Variants in IMPG1 observed in about 807,000 individuals in gnomAD.
The protein encoded by IMPG1 is interphotoreceptor matrix proteoglycan 1.
In IMPG1, 85 loss-of-function variants were observed where a neutral mutation model predicts 92.0. That is an observed-to-expected ratio of 0.92 (90% CI 0.78 to 1.11). The LOEUF (loss-of-function observed/expected upper bound fraction) is 1.11. Among genes scored for constraint, IMPG1 ranks in the 50% least tolerant of loss-of-function variants. The pLI, the probability that IMPG1 is intolerant of heterozygous loss-of-function variation, is 0.00. For missense variants in IMPG1, 1,022 were observed against 956.0 expected, an observed-to-expected ratio of 1.07 and a Z score of -0.91; for synonymous variants, 367 against 334.1, an observed-to-expected ratio of 1.10 and a Z score of -1.08.
chr6:75,925,548 C>T (rs1002401207), intron 15 of IMPG1, among the ~76,000 whole-genome samples: 1 of 151,994 alleles, frequency 6.6e-6, no homozygotes, highest in Admixed American at 6.6e-5. Flanking sequence ...AGGTTGAGGC[C>T]AGGTGCGGTG....
intron 12 of IMPG1, among the ~76,000 whole-genome samples, chr6:75,982,444 G>A (rs954535496): frequency 5.9e-5 from 9 of 152,022 alleles, no homozygotes; most frequent in Middle Eastern, 6.8e-3. Flanking sequence ...AGGAGGCTGA[G>A]GTAGGAGAAT....
intron 14 of IMPG1, among the ~76,000 whole-genome samples, chr6:75,935,416 C>T (rs1781728722): frequency 6.6e-6 from 1 of 152,242 alleles, no homozygotes; most frequent in Non-Finnish European, 1.5e-5. Flanking sequence ...CGCCCTGGCG[C>T]CCAGCGTGAC....
At chr6:75,996,460 G>A (rs1380583635) in intron 12 of IMPG1, among the ~76,000 whole-genome samples, 1 of 152,190 alleles carries the variant, frequency 6.6e-6, no homozygotes, top group East Asian at 1.9e-4. Flanking sequence ...CCCCGCATAA[G>A]AGGCAGGATT....
chr6:75,941,942 G>GT (rs1781842075), intron 14 of IMPG1, among the ~76,000 whole-genome samples: 1 of 152,164 alleles, frequency 6.6e-6, no homozygotes, highest in South Asian at 2.1e-4. Context: ...GCAGGAGTGG[G>GT]TAGGGCTGGT....
intron 4 of IMPG1, among the ~76,000 whole-genome samples, chr6:76,027,963 C>A (rs1316949025): frequency 6.6e-6 from 1 of 152,120 alleles, no homozygotes; most frequent in Non-Finnish European, 1.5e-5. Flanking sequence ...GTCCAGAGAG[C>A]CCCTAGAATG....
chr6:76,014,240 A>G (rs1783243694), intron 7 of IMPG1, among the ~76,000 whole-genome samples: 1 of 152,224 alleles, frequency 6.6e-6, no homozygotes, highest in African/African-American at 2.4e-5. Context: ...CTGGATTGCC[A>G]GCTCCTGAGA....
intron 13 of IMPG1, among the ~76,000 whole-genome samples, chr6:75,948,768 T>C (rs1312379835): frequency 6.6e-6 from 1 of 152,154 alleles, no homozygotes; most frequent in Non-Finnish European, 1.5e-5. Flanking sequence ...GAAAGCACAT[T>C]TTCCAGCCTC....
At chr6:76,006,833 C>T (rs1278628810) in intron 9 of IMPG1, among the ~76,000 whole-genome samples, 1 of 151,912 alleles carries the variant, frequency 6.6e-6, no homozygotes, top group Non-Finnish European at 1.5e-5. Context: ...ATGTCTCTGT[C>T]CTCAGGAATT....
intron 13 of IMPG1, among the ~76,000 whole-genome samples, chr6:75,949,405 G>T (rs2149456991): frequency 6.6e-6 from 1 of 152,290 alleles, no homozygotes; most frequent in South Asian, 2.1e-4. Context: ...CAAATGCCAT[G>T]GCAATGTCAG....
intron 11 of IMPG1, among the ~76,000 whole-genome samples, chr6:76,003,321 C>T (rs1465665138): frequency 6.6e-6 from 1 of 152,130 alleles, no homozygotes; most frequent in Non-Finnish European, 1.5e-5. Context: ...TTAGTCAGCA[C>T]TTCTATTTAT....
chr6:76,061,038 G>A (rs1318893325), intron 1 of IMPG1, among the ~76,000 whole-genome samples: 1 of 152,148 alleles, frequency 6.6e-6, no homozygotes, highest in Non-Finnish European at 1.5e-5. Flanking sequence ...TGCAAATACA[G>A]CTGATGTTCA....
At chr6:76,014,417 C>T (rs1783247015) in intron 7 of IMPG1, among the ~76,000 whole-genome samples, 1 of 152,106 alleles carries the variant, frequency 6.6e-6, no homozygotes, top group South Asian at 2.1e-4. Flanking sequence ...TCTGTGTCTC[C>T]ACCCACACCC....
At chr6:75,983,023 T>TA (rs1220568245) in intron 12 of IMPG1, among the ~76,000 whole-genome samples, 1 of 151,944 alleles carries the variant, frequency 6.6e-6, no homozygotes, top group East Asian at 1.9e-4. Flanking sequence ...TGTAAAAAGA[T>TA]AGAGTGAAAT....
At chr6:75,967,028 AATT>A (rs1174783249) in intron 12 of IMPG1, among the ~76,000 whole-genome samples, 1 of 152,088 alleles carries the variant, frequency 6.6e-6, no homozygotes, top group Non-Finnish European at 1.5e-5. Flanking sequence ...AAATACAAAA[AATT>A]AGCGGGGTGT....
intron 8 of IMPG1, among the ~76,000 whole-genome samples, chr6:76,008,503 A>C (rs1783132126): frequency 6.6e-6 from 1 of 152,198 alleles, no homozygotes; most frequent in Non-Finnish European, 1.5e-5. Context: ...TGAAATGTAC[A>C]TGCTACAGGC....
Position 75,950,849 on chromosome 6 carries a change from C to T in IMPG1, c.1537G>A (p.Glu513Lys), listed in dbSNP as rs774782339. The T allele has an allele frequency of 1.5e-5, 25 of 1,613,784 alleles. No homozygotes were observed. The highest frequency in any genetic ancestry group is 4.0e-5 in the African/African-American group (3 of 74,922). The change falls in exon 13 of 17, where the codon GAA (glutamate) becomes AAA (lysine). Residue 513 changes from glutamate to lysine, a missense_variant. This residue lies in a region of IMPG1 where 9 missense variants were observed against 26.2 expected (regional missense o/e 0.34). Coordinates refer to ENST00000369950, the MANE Select transcript of IMPG1 (RefSeq NM_001563.4). The stretch of plus-strand genomic sequence containing the variant: ...TCATCTAGGTGTCTGACCATATCTT[C>T]GCCACCTGCACTTGATCGGCTGTCA... Reference protein sequence around the residue: ...SDDSRSSAGGEDMVRHLDEMD... With the variant: ...SDDSRSSAGGKDMVRHLDEMD...
chr6:75,934,399 G>T (rs551319305), intron 14 of IMPG1, among the ~76,000 whole-genome samples: 2 of 152,306 alleles, frequency 1.3e-5, no homozygotes, highest in African/African-American at 4.8e-5. Context: ...GGATGTATCA[G>T]TTTCTTCCCT....
chr6:75,970,460 A>G (rs1211637355), intron 12 of IMPG1, among the ~76,000 whole-genome samples: 1 of 152,166 alleles, frequency 6.6e-6, no homozygotes, highest in African/African-American at 2.4e-5. Flanking sequence ...AGACTTAAAC[A>G]TTATCTCATA....
chr6:75,993,328 T>G (rs1329627516), intron 12 of IMPG1, among the ~76,000 whole-genome samples: 2 of 152,050 alleles, frequency 1.3e-5, no homozygotes, highest in African/African-American at 4.8e-5. Context: ...ACTCAAACAA[T>G]GGATATTTAT....
Sources: gnomAD v4.1 joint callset for allele counts (sites outside exome capture counted in the v4.1 genomes callset) on GRCh38, gnomAD v4.1.1 for gene constraint, gnomAD v4.1.1 regional missense constraint, MANE v1.5 for transcripts, NCBI Gene and HGNC (gene_info 2026-07-23, HGNC 2026-07-21) for gene names.